The following RBFOX1 variants were observed in gnomAD, a reference collection of about 807,000 sequenced individuals.
RBFOX1 encodes the protein RNA binding fox-1 homolog 1, also known as RNA binding protein fox-1 homolog 1.
A neutral mutation model predicts 57.7 loss-of-function variants in RBFOX1; 8 were observed. The ratio of observed to expected loss-of-function variants is 0.14; its 90% CI spans 0.08 to 0.25. The LOEUF is 0.25. Among genes scored for constraint, RBFOX1 ranks in the 10% least tolerant of loss-of-function variants. The probability of loss-of-function intolerance (pLI) is 1.00; values close to 1 mark genes in which losing one functional copy is unlikely to be tolerated. For missense variants in RBFOX1, 611 were observed against 548.5 expected, an observed-to-expected ratio of 1.11 and a Z score of -1.14; for synonymous variants, 326 against 222.4, an observed-to-expected ratio of 1.47 and a Z score of -4.15.
chr16:5,562,476 A>G (rs2045923382), intron 2 of RBFOX1, among the ~76,000 whole-genome samples: 1 of 151,246 alleles, frequency 6.6e-6, no homozygotes, highest in South Asian at 2.1e-4. Context: ...TGTATAGAGC[A>G]ATTCTCCAGG....
Position 6,287,413 on chromosome 16 carries a change from G to C in RBFOX1, c.-126-29582G>C, listed in dbSNP as rs2077009609. On this transcript the variant is annotated intron_variant, in intron 1 of 15. Coordinates refer to ENST00000550418, the MANE Select transcript of RBFOX1 (RefSeq NM_018723.4). ...TATTATCATTGGTGTTTGCCAATAT[G>C]ATATTTATTAAATTAGCCAATGGAT... Among the ~76,000 whole-genome samples the C allele has an allele frequency of 2.0e-5, 3 of 152,198 alleles. No individual in the cohort carries two copies. In the South Asian group the frequency reaches 6.2e-4, roughly 32 times the overall value.
At chr16:7,539,612 G>A (rs2082377706) in intron 5 of RBFOX1, among the ~76,000 whole-genome samples, 2 of 152,184 alleles carry the variant, frequency 1.3e-5, no homozygotes, top group African/African-American at 2.4e-5. Context: ...CTACATAGAG[G>A]TGATGCCACC....
intron 4 of RBFOX1, among the ~76,000 whole-genome samples, chr16:7,381,494 G>A (rs1054866918): frequency 7.0e-6 from 1 of 142,060 alleles, no homozygotes; most frequent in Admixed American, 6.8e-5. Context: ...TTCATACATC[G>A]TTCCCCCCCG....
intron 3 of RBFOX1, among the ~76,000 whole-genome samples, chr16:5,640,826 C>G (rs1376378904): frequency 1.2e-5 from 1 of 83,724 alleles, no homozygotes; most frequent in African/African-American, 3.0e-5. Context: ...CATGGATACA[C>G]ATACATGCAC....
At chr16:6,768,149 A>G (rs1603618335) in intron 3 of RBFOX1, among the ~76,000 whole-genome samples, 1 of 152,022 alleles carries the variant, frequency 6.6e-6, no homozygotes, top group South Asian at 2.1e-4. Context: ...GTGAGCAGAG[A>G]TTGTAACACT....
At chr16:7,171,478 A>G (rs1434656584) in intron 4 of RBFOX1, among the ~76,000 whole-genome samples, 1 of 152,236 alleles carries the variant, frequency 6.6e-6, no homozygotes, top group African/African-American at 2.4e-5. Context: ...TTGCAGGATT[A>G]TAGAAAGAGA....
intron 2 of RBFOX1, among the ~76,000 whole-genome samples, chr16:6,650,627 G>T (rs946005223): frequency 2.6e-5 from 4 of 152,184 alleles, no homozygotes; most frequent in African/African-American, 9.7e-5. Context: ...CACCGGTTCA[G>T]TCCCACTTGA....
intron 4 of RBFOX1, among the ~76,000 whole-genome samples, chr16:7,068,078 T>A (rs2153767674): frequency 6.6e-6 from 1 of 151,866 alleles, no homozygotes. Flanking sequence ...GTCGGACTGG[T>A]TTCTCTCCTG....
At chr16:6,057,832 T>G (rs2095633503) in intron 1 of RBFOX1, among the ~76,000 whole-genome samples, 1 of 147,890 alleles carries the variant, frequency 6.8e-6, no homozygotes. Flanking sequence ...TGGGTTTTTT[T>G]TTTTTTTTTT....
intron 2 of RBFOX1, chr16:6,483,819 G>T: frequency 7.4e-7 from 1 of 1,349,238 alleles, no homozygotes; most frequent in East Asian, 2.9e-5. Flanking sequence ...CGGGGCTGCT[G>T]ATTAGAATAG....
At chr16:6,524,346 T>C (rs978937699) in intron 2 of RBFOX1, among the ~76,000 whole-genome samples, 1 of 152,228 alleles carries the variant, frequency 6.6e-6, no homozygotes, top group African/African-American at 2.4e-5. Flanking sequence ...TATGGCTGAA[T>C]AGTACTCCAT....
rs967418896 is a variant in RBFOX1, at chr16:5,327,957, G to C, written c.219+87852G>C. On this transcript the variant is annotated intron_variant, in intron 1 of 2. Transcript: ENST00000585867. ...ATATTGTTTCTCTGATTATTTCTAC[G>C]AGTGAGGAGAATCCCAGGAGAAAAG... Among the ~76,000 whole-genome samples the C allele has an allele frequency of 2.6e-5, 4 of 152,090 alleles. No homozygotes were observed. The East Asian group carries it at 7.7e-4, about 29-fold the overall frequency.
At chr16:6,927,608 C>G (rs1050994457) in intron 3 of RBFOX1, among the ~76,000 whole-genome samples, 1 of 151,934 alleles carries the variant, frequency 6.6e-6, no homozygotes, top group African/African-American at 2.4e-5. Context: ...AAGTACCTGA[C>G]ATTTAGCAGG....
chr16:6,948,274 AC>A (rs1226568101), intron 3 of RBFOX1, among the ~76,000 whole-genome samples: 2 of 152,068 alleles, frequency 1.3e-5, no homozygotes, highest in African/African-American at 4.8e-5. Context: ...TGAAAGAAAA[AC>A]ATAAAATAAA....
intron 4 of RBFOX1, among the ~76,000 whole-genome samples, chr16:7,089,888 T>C (rs1202137270): frequency 7.1e-6 from 1 of 140,086 alleles, no homozygotes; most frequent in Non-Finnish European, 1.5e-5. Context: ...GTTTACATCT[T>C]TAATTCAGAT....
intron 1 of RBFOX1, among the ~76,000 whole-genome samples, chr16:6,172,287 C>T (rs75153888): frequency 0.035 from 5,251 of 151,212 alleles, 289 homozygotes; most frequent in African/African-American, 0.12. Flanking sequence ...GGAGATACAA[C>T]GTCCTCATCT....
At position 6,489,614 on chromosome 16, in the gene RBFOX1, C is replaced by A. The variant is rs1014885322; in HGVS notation, c.-63-164989C>A. On this transcript the variant is annotated intron_variant, in intron 2 of 15. Coordinates refer to ENST00000550418, the MANE Select transcript of RBFOX1 (RefSeq NM_018723.4). Reference sequence around the variant, plus strand: ...GTACAGAAGCCTAAGCGTTGAGGCACCATCTTCACCCGAGTTTTGAAACAA... The same window carrying A: ...GTACAGAAGCCTAAGCGTTGAGGCAACATCTTCACCCGAGTTTTGAAACAA... Among the ~76,000 whole-genome samples the A allele has an allele frequency of 2.0e-5, 3 of 152,254 alleles. No individual in the cohort carries two copies. The South Asian group carries it at 6.2e-4, about 32-fold the overall frequency.
intron 4 of RBFOX1, among the ~76,000 whole-genome samples, chr16:7,177,395 A>G (rs1281818132): frequency 1.3e-5 from 2 of 152,174 alleles, no homozygotes; most frequent in Admixed American, 6.6e-5. Flanking sequence ...GGTGATGGGT[A>G]GTGTAAATAC....
intron 1 of RBFOX1, among the ~76,000 whole-genome samples, chr16:5,393,285 C>G (rs771544301): frequency 1.3e-5 from 2 of 152,140 alleles, no homozygotes; most frequent in Non-Finnish European, 2.9e-5. Flanking sequence ...AGTCATTCAT[C>G]ACATGGATGA....
Sources: allele counts gnomAD v4.1 joint callset (sites outside exome capture counted in the v4.1 genomes callset), GRCh38; gene constraint gnomAD v4.1.1; transcripts MANE v1.5; gene names NCBI Gene and HGNC (gene_info 2026-07-23, HGNC 2026-07-21).